The following FHIT variants were observed in gnomAD, a reference collection of about 807,000 sequenced individuals.
FHIT encodes the protein fragile histidine triad diadenosine triphosphatase.
FHIT carries 19 observed loss-of-function variants against 17.9 expected under a neutral mutation model. The ratio of observed to expected loss-of-function variants is 1.06; its 90% CI spans 0.74 to 1.56. FHIT has a LOEUF of 1.56. Among genes scored for constraint, FHIT ranks in the 40% most tolerant of loss-of-function variants. FHIT has a pLI of 0.00. For synonymous variants in FHIT, 81 were observed against 69.7 expected (o/e 1.16, Z -0.81); for missense variants, 248 against 189.2 (o/e 1.31, Z -1.82).
chr3:60,943,383 C>A (rs1553774995), intron 3 of FHIT, among the ~76,000 whole-genome samples: 1 of 151,932 alleles, frequency 6.6e-6, no homozygotes, highest in Non-Finnish European at 1.5e-5. Flanking sequence ...AATATTTTTG[C>A]TTTTAAAGTA....
intron 2 of FHIT, among the ~76,000 whole-genome samples, chr3:61,056,242 C>T (rs146960215): frequency 6.6e-6 from 1 of 152,186 alleles, no homozygotes; most frequent in East Asian, 1.9e-4. Context: ...GGCAATATAG[C>T]AAGACACCAT....
At chr3:59,948,229 G>A (rs940312569) in intron 7 of FHIT, among the ~76,000 whole-genome samples, 5 of 152,024 alleles carry the variant, frequency 3.3e-5, no homozygotes, top group South Asian at 4.2e-4. Context: ...ACTCGGCCAG[G>A]CGCAGTAGAT....
At chr3:60,811,204 T>C (rs1434394424) in intron 4 of FHIT, among the ~76,000 whole-genome samples, 1 of 152,284 alleles carries the variant, frequency 6.6e-6, no homozygotes, top group South Asian at 2.1e-4. Context: ...AGTCTGACTG[T>C]CCTGAGATTT....
intron 5 of FHIT, among the ~76,000 whole-genome samples, chr3:60,492,623 C>G (rs1485171416): frequency 6.6e-6 from 1 of 151,712 alleles, no homozygotes; most frequent in Non-Finnish European, 1.5e-5. Flanking sequence ...TCGCCTGCCT[C>G]AGTCTCCCAA....
chr3:59,957,018 G>A (rs896363673), intron 7 of FHIT, among the ~76,000 whole-genome samples: 10 of 152,136 alleles, frequency 6.6e-5, no homozygotes, highest in African/African-American at 2.4e-4. Flanking sequence ...ACACTCTACA[G>A]AACAGGGACT....
chr3:60,471,249 G>T (rs999473577), intron 5 of FHIT, among the ~76,000 whole-genome samples: 3 of 152,140 alleles, frequency 2.0e-5, no homozygotes, highest in Non-Finnish European at 2.9e-5. Flanking sequence ...TGTACCCCAG[G>T]TCCACTGGTT....
At chr3:60,782,689 C>G (rs1553725977) in intron 4 of FHIT, among the ~76,000 whole-genome samples, 1 of 152,168 alleles carries the variant, frequency 6.6e-6, no homozygotes, top group Non-Finnish European at 1.5e-5. Context: ...ATACCACAAA[C>G]TGTGTATTTT....
At chr3:60,739,380 A>G (rs2042199147) in intron 4 of FHIT, among the ~76,000 whole-genome samples, 1 of 152,116 alleles carries the variant, frequency 6.6e-6, no homozygotes, top group Admixed American at 6.5e-5. Flanking sequence ...ACCCCTAGAC[A>G]CTACCATGGG....
intron 2 of FHIT, among the ~76,000 whole-genome samples, chr3:61,069,473 G>T (rs1428325836): frequency 6.6e-6 from 1 of 152,150 alleles, no homozygotes; most frequent in African/African-American, 2.4e-5. Context: ...CCATGATTAA[G>T]GACTGTTATG....
chr3:60,663,630 T>C (rs1411792882), intron 4 of FHIT, among the ~76,000 whole-genome samples: 3 of 151,698 alleles, frequency 2.0e-5, no homozygotes, highest in Non-Finnish European at 4.4e-5. Flanking sequence ...AGAGAGGGGG[T>C]TTCATCATGT....
intron 8 of FHIT, among the ~76,000 whole-genome samples, chr3:59,825,019 T>C (rs1700926846): frequency 1.3e-5 from 2 of 152,230 alleles, no homozygotes; most frequent in South Asian, 2.1e-4. Flanking sequence ...AATGCAGCAC[T>C]GTGTATGTTT....
In FHIT at chr3:60,915,582, A is replaced by G. The variant is rs576040354; in HGVS notation, c.-110-93571T>C. Among the ~76,000 whole-genome samples, 554 of 152,270 alleles carry G rather than the reference A, an allele frequency of 3.6e-3. 4 individuals carry two copies. Among genetic ancestry groups the G allele is most frequent in the Middle Eastern group, 0.01 (3 of 294 alleles). ...AGGAAGGATAGAAGCATTGGAAGAA[A>G]GTGTTAGAACTACATTTCCATAAAG... On this transcript the variant is annotated intron_variant, in intron 3 of 9. Coordinates refer to ENST00000492590, the MANE Select transcript of FHIT (RefSeq NM_002012.4).
chr3:60,209,339 T>G (rs1043758663), intron 5 of FHIT, among the ~76,000 whole-genome samples: 4 of 152,186 alleles, frequency 2.6e-5, no homozygotes, highest in Non-Finnish European at 5.9e-5. Context: ...TAACAGTGGC[T>G]AGGGAGATGA....
chr3:59,857,528 A>G (rs969114181), intron 8 of FHIT, among the ~76,000 whole-genome samples: 7 of 91,120 alleles, frequency 7.7e-5, no homozygotes, highest in Non-Finnish European at 1.2e-4. Flanking sequence ...TTCATAGGAC[A>G]AGATTATACA....
intron 8 of FHIT, among the ~76,000 whole-genome samples, chr3:59,826,654 G>A (rs566744587): frequency 3.3e-5 from 5 of 152,346 alleles, no homozygotes; most frequent in Non-Finnish European, 2.9e-5. Flanking sequence ...GCGCGAGTGC[G>A]CGCGAGTCTC....
chr3:60,358,785 C>T lies in FHIT; in HGVS notation c.103+178075G>A, dbSNP rs1040780920. Among the ~76,000 whole-genome samples, 8 of 152,176 alleles carry T rather than the reference C, an allele frequency of 5.3e-5. No homozygotes were observed. In the East Asian group the frequency reaches 1.5e-3, roughly 29 times the overall value. On this transcript the variant is annotated intron_variant, in intron 5 of 9. Coordinates refer to ENST00000492590, the MANE Select transcript of FHIT (RefSeq NM_002012.4). The stretch of plus-strand genomic sequence containing the variant: ...CCAGGTGAACTGGGTTATAATCTGG[C>T]TCAGGTCTTCACTAGTTGTAGGTCT...
At position 60,212,487 on chromosome 3, in the gene FHIT, A is replaced by C. The variant is rs541893137; in HGVS notation, c.104-198335T>G. On this transcript the variant is annotated intron_variant, in intron 5 of 9. Coordinates refer to ENST00000492590, the MANE Select transcript of FHIT (RefSeq NM_002012.4). ...AGCTTCAGATAGAACACACCTCTTG[A>C]AATAATACTAATATCTATTTTGGGA... 2.0e-5 allele frequency among the ~76,000 whole-genome samples: 3 copies of C among 152,296 alleles called. No homozygotes were observed. The East Asian group carries it at 5.8e-4, about 29-fold the overall frequency.
At chr3:61,068,179 A>T (rs1245290343) in intron 2 of FHIT, among the ~76,000 whole-genome samples, 1 of 152,228 alleles carries the variant, frequency 6.6e-6, no homozygotes, top group East Asian at 1.9e-4. Context: ...TTATCTTACT[A>T]TTCTGTGGGT....
chr3:59,985,789 A>G (rs1266676896), intron 7 of FHIT, among the ~76,000 whole-genome samples: 1 of 152,118 alleles, frequency 6.6e-6, no homozygotes, highest in African/African-American at 2.4e-5. Context: ...TCACTTTCAC[A>G]CTGAGCCTAG....
Sources: gnomAD v4.1 joint callset for allele counts (sites outside exome capture counted in the v4.1 genomes callset) on GRCh38, gnomAD v4.1.1 for gene constraint, MANE v1.5 for transcripts, NCBI Gene and HGNC (gene_info 2026-07-23, HGNC 2026-07-21) for gene names.